Variants in SEMA3E observed in about 807,000 individuals in gnomAD.
The protein encoded by SEMA3E is semaphorin 3E.
A neutral mutation model predicts 93.6 loss-of-function variants in SEMA3E; 49 were observed. The observed-to-expected ratio is 0.52, with a 90% CI of 0.42 to 0.66. The LOEUF is 0.66. SEMA3E is among the 30% of genes least tolerant of loss of function. The pLI is 0.00. For synonymous variants in SEMA3E, 363 were observed against 330.7 expected (o/e 1.10, Z -1.06); for missense variants, 906 against 964.8 (o/e 0.94, Z 0.81).
chr7:83,538,357 G>C (rs900501481), intron 1 of SEMA3E, among the ~76,000 whole-genome samples: 1 of 152,048 alleles, frequency 6.6e-6, no homozygotes, highest in African/African-American at 2.4e-5. Context: ...CTTTTTATCT[G>C]ACTTTTTGAT....
At chr7:83,600,715 C>A (rs944864403) in intron 1 of SEMA3E, among the ~76,000 whole-genome samples, 2 of 151,660 alleles carry the variant, frequency 1.3e-5, no homozygotes, top group East Asian at 1.9e-4. Flanking sequence ...AAAAATAGTA[C>A]TTTTTGTCAA....
rs150412274 is a variant in SEMA3E, at chr7:83,476,418, G to C, written c.277-7116C>G. Among the ~76,000 whole-genome samples, 34 of 152,308 alleles carry C rather than the reference G, an allele frequency of 2.2e-4. No individual in the cohort carries two copies. The East Asian group carries it at 6.6e-3, about 29-fold the overall frequency. On this transcript the variant is annotated intron_variant, in intron 2 of 16. Coordinates refer to ENST00000643230, the MANE Select transcript of SEMA3E (RefSeq NM_012431.3). ...GATGGATGTTTAACAGATCACTCTT[G>C]AGTAGATGGAAGAAAGACAGAAAAG...
At chr7:83,480,035 C>T (rs1790113641) in intron 2 of SEMA3E, among the ~76,000 whole-genome samples, 2 of 152,148 alleles carry the variant, frequency 1.3e-5, no homozygotes, top group African/African-American at 2.4e-5. Flanking sequence ...GCTTTCAACA[C>T]TTTCAGGTGC....
intron 1 of SEMA3E, among the ~76,000 whole-genome samples, chr7:83,599,176 A>G (rs1010851149): frequency 1.3e-5 from 2 of 152,200 alleles, no homozygotes; most frequent in African/African-American, 4.8e-5. Flanking sequence ...TATTAAATAC[A>G]GAATGATGTC....
intron 1 of SEMA3E, among the ~76,000 whole-genome samples, chr7:83,502,507 T>C (rs1005738955): frequency 1.3e-5 from 2 of 152,108 alleles, no homozygotes; most frequent in African/African-American, 4.8e-5. Flanking sequence ...CACCTCCTTC[T>C]GACCTCCATG....
chr7:83,607,516 C>G (rs966661202), intron 1 of SEMA3E, among the ~76,000 whole-genome samples: 7 of 152,106 alleles, frequency 4.6e-5, no homozygotes, highest in Admixed American at 3.9e-4. Flanking sequence ...GTAGAGAAAA[C>G]TTAATATTTT....
At chr7:83,442,103 T>C (rs1234537728) in intron 4 of SEMA3E, among the ~76,000 whole-genome samples, 1 of 152,236 alleles carries the variant, frequency 6.6e-6, no homozygotes, top group African/African-American at 2.4e-5. Flanking sequence ...TTTTTCATAA[T>C]TCAAATATTT....
chr7:83,399,026 C>T (rs940976371), intron 11 of SEMA3E, among the ~76,000 whole-genome samples: 1 of 152,044 alleles, frequency 6.6e-6, no homozygotes, highest in Admixed American at 6.6e-5. Flanking sequence ...ATTGGAGAAG[C>T]CCAAGCACCA....
rs1430793732 is a variant in SEMA3E, at chr7:83,442,595, CTCTTT to C, written c.456+23882_456+23886del. The stretch of plus-strand genomic sequence containing the variant: ...AAGAGTTTACTTGCTTGTTATTTTT[CTCTTT>C]TCTTTTTTCTACGTTTGCTAAAGCT... On this transcript the variant is annotated intron_variant, in intron 4 of 16. Transcript: ENST00000643230. 4.6e-5 allele frequency among the ~76,000 whole-genome samples: 7 copies of C among 151,952 alleles called. No individual in the cohort carries two copies. In the East Asian group the frequency reaches 5.8e-4, roughly 13 times the overall value.
intron 5 of SEMA3E, among the ~76,000 whole-genome samples, chr7:83,412,301 G>A (rs1416551352): frequency 6.6e-6 from 1 of 151,950 alleles, no homozygotes; most frequent in Non-Finnish European, 1.5e-5. Context: ...TTGACTCCTT[G>A]TGTGTTTGAA....
At position 83,444,935 on chromosome 7, in the gene SEMA3E, TG is replaced by T. The variant is rs1358006538; in HGVS notation, c.456+21546del. On this transcript the variant is annotated intron_variant, in intron 4 of 16. Transcript: ENST00000643230. ...ATGCGCCCGTTTTGGCCTCCCAAAGTGCTGGGATTACAGGCGTGAGCCACCG... is the reference window on the plus strand; with the variant it reads ...ATGCGCCCGTTTTGGCCTCCCAAAGTCTGGGATTACAGGCGTGAGCCACCG... Among the ~76,000 whole-genome samples the T allele has an allele frequency of 1.4e-4, 22 of 152,270 alleles. 2 individuals are homozygous for T. The highest frequency in any genetic ancestry group is 4.1e-4 in the African/African-American group (17 of 41,544).
intron 1 of SEMA3E, among the ~76,000 whole-genome samples, chr7:83,547,789 G>T (rs372030355): frequency 7.2e-5 from 11 of 152,026 alleles, no homozygotes; most frequent in Non-Finnish European, 1.5e-4. Context: ...TTTCAGAGGG[G>T]TATATCCTGC....
chr7:83,482,108 T>C (rs1474463396), intron 2 of SEMA3E, among the ~76,000 whole-genome samples: 1 of 152,146 alleles, frequency 6.6e-6, no homozygotes, highest in Non-Finnish European at 1.5e-5. Context: ...TTGCAATTAC[T>C]GCCACACTGT....
At chr7:83,564,758 T>C (rs969069589) in intron 1 of SEMA3E, among the ~76,000 whole-genome samples, 1 of 152,122 alleles carries the variant, frequency 6.6e-6, no homozygotes, top group East Asian at 1.9e-4. Flanking sequence ...TGTTCAGGAA[T>C]GTTGTAATAG....
intron 1 of SEMA3E, among the ~76,000 whole-genome samples, chr7:83,569,005 T>C (rs10246163): frequency 0.018 from 2,663 of 152,130 alleles, 77 homozygotes; most frequent in African/African-American, 0.059. Flanking sequence ...AAAAACCTCC[T>C]AGATCTGAAA....
chr7:83,473,486 A>G (rs1026207935), intron 2 of SEMA3E, among the ~76,000 whole-genome samples: 2 of 152,180 alleles, frequency 1.3e-5, no homozygotes, highest in African/African-American at 2.4e-5. Context: ...AGATATTCTG[A>G]TTATCAAACA....
chr7:83,364,061 A>AT lies in SEMA3E; in HGVS notation c.*3524dup, dbSNP rs1431246555. 6.8e-6 allele frequency: 1 copy of AT among 147,136 alleles called. No homozygotes were observed. The highest frequency in any genetic ancestry group is 6.7e-5 in the Admixed American group (1 of 14,856). 9.1% of individuals were successfully genotyped at this position (147,136 alleles called of 1,614,324 possible). A position where few individuals can be genotyped will look rare whatever the true frequency, so the allele number is the denominator to read the frequency against. ...AGGCGCCCGCCACCGCGCCCGGCTA[A>AT]TTTTTTGTATTTTTAGTAGAGACGG... On this transcript the variant is annotated 3_prime_UTR_variant, in exon 17 of 17. Coordinates refer to ENST00000643230, the MANE Select transcript of SEMA3E (RefSeq NM_012431.3).
In SEMA3E at chr7:83,491,694, T is replaced by A. The variant is rs78404765; in HGVS notation, c.116-1420A>T. On this transcript the variant is annotated intron_variant, in intron 1 of 16. Transcript: ENST00000643230. ...AAATTAAATATGTATAGGTAAAACATATAGCTTGAAACTTCTGACATAGGC... is the reference window on the plus strand; with the variant it reads ...AAATTAAATATGTATAGGTAAAACAAATAGCTTGAAACTTCTGACATAGGC... Among the ~76,000 whole-genome samples the A allele has an allele frequency of 4.9e-4, 75 of 152,140 alleles. 2 individuals carry two copies. In the East Asian group the frequency reaches 0.011, roughly 23 times the overall value.
At chr7:83,385,882 T>A (rs1034092696) in intron 15 of SEMA3E, among the ~76,000 whole-genome samples, 6 of 152,134 alleles carry the variant, frequency 3.9e-5, no homozygotes, top group East Asian at 3.9e-4. Context: ...TGCATTTATC[T>A]GGGTGTTGGG....
Sources: allele counts gnomAD v4.1 joint callset (sites outside exome capture counted in the v4.1 genomes callset), GRCh38; gene constraint gnomAD v4.1.1; transcripts MANE v1.5; gene names NCBI Gene and HGNC (gene_info 2026-07-23, HGNC 2026-07-21).